MAP4K5: variants seen among roughly 807,000 people sequenced by gnomAD.
MAP4K5 encodes MAPK/ERK kinase kinase kinase 5.
Under a neutral mutation model 135.6 loss-of-function variants are expected in MAP4K5, and 82 were observed. That is an observed-to-expected ratio of 0.60 (90% confidence interval 0.51 to 0.73). MAP4K5 has a LOEUF of 0.73. MAP4K5 is among the 30% of genes least tolerant of loss of function. The pLI is 0.00. For synonymous variants in MAP4K5, 347 were observed against 335.0 expected (o/e 1.04, Z -0.39); for missense variants, 907 against 1,010.9 (o/e 0.90, Z 1.39).
chr14:50,524,322 C>T (rs2038213522), intron 2 of MAP4K5, among the ~76,000 whole-genome samples: 1 of 152,106 alleles, frequency 6.6e-6, no homozygotes, highest in Admixed American at 6.5e-5. Context: ...ACCAATCATA[C>T]CTCAACTCTA....
At chr14:50,451,119 T>C (rs1228603436) in intron 14 of MAP4K5, among the ~76,000 whole-genome samples, 1 of 152,176 alleles carries the variant, frequency 6.6e-6, no homozygotes, top group Non-Finnish European at 1.5e-5. Flanking sequence ...TATACAGGTA[T>C]AGTACATATA....
chr14:50,470,479 C>A (rs1046301888), intron 9 of MAP4K5, among the ~76,000 whole-genome samples: 5 of 152,054 alleles, frequency 3.3e-5, no homozygotes, highest in African/African-American at 1.2e-4. Context: ...ATCTAACTCA[C>A]CTATATCTTC....
intron 2 of MAP4K5, among the ~76,000 whole-genome samples, chr14:50,541,734 C>T (rs933677320): frequency 1.3e-5 from 2 of 151,926 alleles, no homozygotes; most frequent in African/African-American, 4.8e-5. Context: ...TAAGAATATG[C>T]TGTTGGCCAG....
chr14:50,473,784 TGC>T (rs2139863735), intron 9 of MAP4K5, among the ~76,000 whole-genome samples: 1 of 135,256 alleles, frequency 7.4e-6, no homozygotes, highest in East Asian at 2.5e-4. Flanking sequence ...AGTGCAGTGG[TGC>T]GCACTCAGCT....
chr14:50,508,277 T>C (rs918855993), intron 2 of MAP4K5, among the ~76,000 whole-genome samples: 10 of 152,184 alleles, frequency 6.6e-5, no homozygotes, highest in African/African-American at 1.9e-4. Context: ...CATATGTTTA[T>C]TGTGGCACTA....
chr14:50,504,246 A>G (rs2037764281), intron 3 of MAP4K5, among the ~76,000 whole-genome samples: 1 of 152,120 alleles, frequency 6.6e-6, no homozygotes, highest in African/African-American at 2.4e-5. Flanking sequence ...TTACCTGGTC[A>G]AAAACTACTA....
intron 30 of MAP4K5, among the ~76,000 whole-genome samples, chr14:50,426,762 C>T (rs1402473649): frequency 6.6e-6 from 1 of 152,060 alleles, no homozygotes; most frequent in Non-Finnish European, 1.5e-5. Context: ...TAAAATAAAC[C>T]TGCCCCACAA....
At position 50,428,646 on chromosome 14, in the gene MAP4K5, A is replaced by G. The variant is rs1185409094; in HGVS notation, c.2326+16T>C. ...TTAAGTATCGCAAACTGATTTATGAAAAAAAGGAAACTTACCTACAGATTC... is the reference window on the plus strand; with the variant it reads ...TTAAGTATCGCAAACTGATTTATGAGAAAAAGGAAACTTACCTACAGATTC... On this transcript the variant is annotated intron_variant, in intron 30 of 32. Transcript: ENST00000682126. 2 of 1,419,894 alleles carry G rather than the reference A, an allele frequency of 1.4e-6. No homozygotes were observed. Among genetic ancestry groups the G allele is most frequent in the South Asian group, 1.4e-5 (1 of 73,736 alleles). The allele number at this position is 1,419,894 out of a possible 1,614,324, so 88.0% of individuals were successfully genotyped here.
chr14:50,476,313 G>C lies in MAP4K5; in HGVS notation c.379-7C>G. 6.2e-6 allele frequency: 7 copies of C among 1,136,680 alleles called. No homozygotes were observed. Among genetic ancestry groups the C allele is most frequent in the East Asian group, 3.3e-5 (1 of 29,918 alleles). The allele number at this position is 1,136,680 out of a possible 1,614,324, so 70.4% of individuals were successfully genotyped here. A position where few individuals can be genotyped will look rare whatever the true frequency, so the allele number is the denominator to read the frequency against. ...TATGCAAATAGGCAAGACCCTAAAA[G>C]TTTAAAAAAAAAAAAAAAGAATGTA... On this transcript the variant is annotated splice_region_variant and splice_polypyrimidine_tract_variant and intron_variant, in intron 6 of 32. Transcript: ENST00000682126.
chr14:50,542,100 G>A (rs1461121953), intron 2 of MAP4K5, among the ~76,000 whole-genome samples: 1 of 138,694 alleles, frequency 7.2e-6, no homozygotes, highest in African/African-American at 2.7e-5. Context: ...GGCAACTCTT[G>A]ATTTACTTCT....
At chr14:50,486,702 G>C (rs1246400819) in intron 3 of MAP4K5, among the ~76,000 whole-genome samples, 1 of 152,096 alleles carries the variant, frequency 6.6e-6, no homozygotes, top group Non-Finnish European at 1.5e-5. Flanking sequence ...AGGCCGAGGT[G>C]GGCGGATCAC....
chr14:50,439,566 C>T (rs1033595336), intron 23 of MAP4K5, among the ~76,000 whole-genome samples: 3 of 152,106 alleles, frequency 2.0e-5, no homozygotes, highest in Admixed American at 6.6e-5. Context: ...CTCTCACAAC[C>T]TCATAAGGCT....
intron 2 of MAP4K5, among the ~76,000 whole-genome samples, chr14:50,528,279 G>C (rs2038310332): frequency 6.6e-6 from 1 of 152,118 alleles, no homozygotes; most frequent in African/African-American, 2.4e-5. Context: ...CCCTCTTGGG[G>C]ATTCTCAGGA....
At chr14:50,462,883 T>C (rs1356446866) in intron 12 of MAP4K5, 102 bp from the exon 13 acceptor site, 13 of 673,550 alleles carry the variant, frequency 1.9e-5, no homozygotes, top group African/African-American at 3.7e-5. Context: ...CAGAGACAAG[T>C]ATATGGGAGT....
intron 2 of MAP4K5, among the ~76,000 whole-genome samples, chr14:50,520,950 G>A (rs948334505): frequency 6.6e-6 from 1 of 151,294 alleles, no homozygotes; most frequent in East Asian, 1.9e-4. Flanking sequence ...AGCCTCCCAA[G>A]TAGTTGGGAA....
intron 2 of MAP4K5, among the ~76,000 whole-genome samples, chr14:50,520,165 C>G (rs1034467330): frequency 6.6e-6 from 1 of 151,688 alleles, no homozygotes; most frequent in Non-Finnish European, 1.5e-5. Context: ...GAGCTCAAGA[C>G]CAGCTTGGCC....
intron 9 of MAP4K5, among the ~76,000 whole-genome samples, chr14:50,471,594 T>G (rs1342498660): frequency 1.3e-5 from 2 of 152,070 alleles, no homozygotes; most frequent in Non-Finnish European, 2.9e-5. Context: ...GTAAGAAATG[T>G]GATAAAGCCC....
intron 17 of MAP4K5, among the ~76,000 whole-genome samples, chr14:50,445,726 T>C (rs1566645835): frequency 6.6e-6 from 1 of 152,078 alleles, no homozygotes; most frequent in Admixed American, 6.6e-5. Flanking sequence ...TACGCCACCA[T>C]GCCCAGCTAA....
At chr14:50,434,221 T>A (rs765682608) in intron 28 of MAP4K5, among the ~76,000 whole-genome samples, 173 bp downstream of exon 28, 76 of 152,200 alleles carry the variant, frequency 5.0e-4, no homozygotes, top group Non-Finnish European at 9.7e-4. Context: ...AAACTACCTC[T>A]GGCAAATAGA....
Sources: gnomAD v4.1 joint callset for allele counts (sites outside exome capture counted in the v4.1 genomes callset) on GRCh38, gnomAD v4.1.1 for gene constraint, MANE v1.5 for transcripts, NCBI Gene and HGNC (gene_info 2026-07-23, HGNC 2026-07-21) for gene names.